DLGAP1: variants seen among roughly 807,000 people sequenced by gnomAD.
The protein encoded by DLGAP1 is disks large-associated protein 1.
DLGAP1 carries 11 observed loss-of-function variants against 90.8 expected under a neutral mutation model. The observed-to-expected ratio is 0.12, with a 90% CI of 0.08 to 0.20. DLGAP1 has a LOEUF of 0.20. Ranked by LOEUF, DLGAP1 falls within the 10% of genes least tolerant of loss-of-function variation. DLGAP1 has a pLI of 1.00. For synonymous variants in DLGAP1, 558 were observed against 540.7 expected (o/e 1.03, Z -0.44); for missense variants, 1,050 against 1,333.8 (o/e 0.79, Z 3.31).
At chr18:3,725,658 T>C (rs1350001495) in intron 7 of DLGAP1, among the ~76,000 whole-genome samples, 1 of 152,196 alleles carries the variant, frequency 6.6e-6, no homozygotes, top group Non-Finnish European at 1.5e-5. Context: ...GTCTATTGGA[T>C]GGAGAGAAAT....
intron 1 of DLGAP1, among the ~76,000 whole-genome samples, chr18:4,409,506 A>T (rs1009587756): frequency 6.6e-6 from 1 of 152,216 alleles, no homozygotes; most frequent in African/African-American, 2.4e-5. Context: ...TTCTGAAGAT[A>T]GTGAGGGATA....
intron 1 of DLGAP1, among the ~76,000 whole-genome samples, chr18:4,296,327 TACAC>T (rs906554519): frequency 6.6e-6 from 1 of 151,744 alleles, no homozygotes; most frequent in South Asian, 2.1e-4. Context: ...CAGAAACACA[TACAC>T]ACACACAAAT....
chr18:4,267,265 C>T (rs923858175), intron 1 of DLGAP1, among the ~76,000 whole-genome samples: 2 of 151,844 alleles, frequency 1.3e-5, no homozygotes, highest in African/African-American at 2.4e-5. Context: ...GTGATTAATG[C>T]TATGTCTTAC....
chr18:4,105,047 CTG>C (rs2075837116), intron 2 of DLGAP1, among the ~76,000 whole-genome samples: 1 of 152,124 alleles, frequency 6.6e-6, no homozygotes, highest in Non-Finnish European at 1.5e-5. Flanking sequence ...GGGCTAGGCA[CTG>C]TGCTGGCTGC....
rs201284734 is a variant in DLGAP1 at position 3,523,856 on chromosome 18, A to AAT, written c.2479+10337_2479+10338insAT. On this transcript the variant is annotated intron_variant, in intron 10 of 12. Transcript: ENST00000315677. ...GAGCAAGACTCTGTCTCAAAAAAAA[A>AAT]AAAAAGGAGGGCAAAGGTCCTTGAC... Among the ~76,000 whole-genome samples, 913 of 152,004 alleles carry AAT rather than the reference A, an allele frequency of 6.0e-3. 7 individuals are homozygous for AAT. The highest frequency in any genetic ancestry group is 9.5e-3 in the Non-Finnish European group (648 of 67,952).
At chr18:4,167,959 A>T (rs1304298727) in intron 1 of DLGAP1, among the ~76,000 whole-genome samples, 1 of 152,230 alleles carries the variant, frequency 6.6e-6, no homozygotes, top group Non-Finnish European at 1.5e-5. Context: ...AAATGGAAAG[A>T]CATATTGCAT....
intron 7 of DLGAP1, among the ~76,000 whole-genome samples, chr18:3,600,981 G>GATATAGAT (rs377416543): frequency 1.4e-5 from 1 of 71,166 alleles, no homozygotes; most frequent in African/African-American, 4.3e-5. Context: ...TAGATATATA[G>GATATAGAT]ATATAGATAT....
chr18:3,974,420 G>A (rs1306169014), intron 3 of DLGAP1, among the ~76,000 whole-genome samples: 1 of 152,134 alleles, frequency 6.6e-6, no homozygotes, highest in Admixed American at 6.5e-5. Flanking sequence ...TTAATTCAGG[G>A]CTTTTAAATA....
At chr18:4,120,436 C>T (rs1038466439) in intron 2 of DLGAP1, among the ~76,000 whole-genome samples, 1 of 152,174 alleles carries the variant, frequency 6.6e-6, no homozygotes, top group African/African-American at 2.4e-5. Flanking sequence ...TCACTCGTGG[C>T]TTTTCATAAC....
At position 3,729,155 on chromosome 18, in the gene DLGAP1, C is replaced by G; in HGVS notation, c.1571G>C (p.Arg524Thr). The G allele has an allele frequency of 6.2e-7, 1 of 1,612,802 alleles. No homozygotes were observed. Among genetic ancestry groups the G allele is most frequent in the Non-Finnish European group, 8.5e-7 (1 of 1,179,694 alleles). ...CTCACCCGTGCTGCTCTGGATGGTC[C>G]TAACGGTGGTGGTGGTGCGCGGCGG... The part of the protein sequence containing the change: ...SSPPRTTTTV[R>T]TIQSSTVSSC... The change falls in exon 7 of 13, where the codon AGG becomes ACG. Residue 524 changes from arginine (R) to threonine (T), a missense_variant. Physicochemically the swap from Arg to Thr is moderately conservative, Grantham distance 71. This residue lies in a region of DLGAP1 where 565 missense variants were observed against 879.7 expected (regional missense o/e 0.64). Coordinates refer to ENST00000315677, the MANE Select transcript of DLGAP1 (RefSeq NM_004746.4). The surrounding 1 kb of genome is among the most constrained non-coding windows in gnomAD (Gnocchi z 6.2).
intron 1 of DLGAP1, among the ~76,000 whole-genome samples, chr18:4,223,561 G>T (rs780600904): frequency 3.9e-5 from 6 of 152,084 alleles, no homozygotes; most frequent in Non-Finnish European, 5.9e-5. Flanking sequence ...AGAAAAGTGT[G>T]GTTAGTGAGG....
At chr18:4,348,599 G>C (rs2081347526) in intron 1 of DLGAP1, among the ~76,000 whole-genome samples, 1 of 152,062 alleles carries the variant, frequency 6.6e-6, no homozygotes, top group African/African-American at 2.4e-5. Context: ...CTAAGAAAAA[G>C]AGCCAAATAA....
intron 6 of DLGAP1, among the ~76,000 whole-genome samples, chr18:3,734,459 C>T (rs2062564112): frequency 6.7e-6 from 1 of 150,270 alleles, no homozygotes; most frequent in Non-Finnish European, 1.5e-5. Flanking sequence ...CTTTCTAGTT[C>T]CTTTTTTTTT....
At chr18:4,400,140 C>T (rs964084328) in intron 1 of DLGAP1, among the ~76,000 whole-genome samples, 6 of 152,194 alleles carry the variant, frequency 3.9e-5, no homozygotes, top group South Asian at 4.2e-4. Context: ...AACCACTACC[C>T]GGGACATCCA....
chr18:4,209,487 T>C (rs2077795723), intron 1 of DLGAP1, among the ~76,000 whole-genome samples: 2 of 152,226 alleles, frequency 1.3e-5, no homozygotes, highest in Non-Finnish European at 1.5e-5. Context: ...TTTCAACTTA[T>C]TGTTTGAGTC....
In DLGAP1 at chr18:4,388,438, G is replaced by C. The variant is rs144472020; in HGVS notation, c.-267+66568C>G. ...GACATTCCTTCACCTGGAGATACTAGAGCTAGGGGTCATTAGTGAAGAAAG... is the reference window on the plus strand; with the variant it reads ...GACATTCCTTCACCTGGAGATACTACAGCTAGGGGTCATTAGTGAAGAAAG... On this transcript the variant is annotated intron_variant, in intron 1 of 12. Transcript: ENST00000315677. Among the ~76,000 whole-genome samples, 222 of 152,236 alleles carry C rather than the reference G, an allele frequency of 1.5e-3. 1 individual carries two copies. Among genetic ancestry groups the C allele is most frequent in the Middle Eastern group, 6.8e-3 (2 of 294 alleles).
chr18:3,649,318 G>A (rs981270929), intron 7 of DLGAP1, among the ~76,000 whole-genome samples: 3 of 152,158 alleles, frequency 2.0e-5, no homozygotes, highest in East Asian at 3.9e-4. Context: ...CTTGCCCCTG[G>A]CAGATGCCAC....
rs143463694 is a variant in DLGAP1, at chr18:3,722,871, T to A, written c.1591+6264A>T. Among the ~76,000 whole-genome samples, 354 of 152,324 alleles carry A rather than the reference T, an allele frequency of 2.3e-3. 1 individual carries two copies. Among genetic ancestry groups the A allele is most frequent in the African/African-American group, 8.1e-3 (335 of 41,582 alleles). ...GGATCAGCATTGTAATCTCATTTTA[T>A]ACATGAAGAAACTGAAGTTCAGATT... is the stretch of plus-strand genomic sequence containing the variant. On this transcript the variant is annotated intron_variant, in intron 7 of 12. Coordinates refer to ENST00000315677, the MANE Select transcript of DLGAP1 (RefSeq NM_004746.4).
chr18:3,967,675 T>C (rs1443896308), intron 3 of DLGAP1, among the ~76,000 whole-genome samples: 4 of 152,244 alleles, frequency 2.6e-5, no homozygotes, highest in Non-Finnish European at 5.9e-5. Flanking sequence ...ATGGTAGTAT[T>C]GATCACTCTC....
Sources: allele counts gnomAD v4.1 joint callset (sites outside exome capture counted in the v4.1 genomes callset), GRCh38; gene constraint gnomAD v4.1.1; regional missense constraint gnomAD v4.1.1; non-coding constraint Gnocchi (gnomAD v3.1); transcripts MANE v1.5; gene names NCBI Gene and HGNC (gene_info 2026-07-23, HGNC 2026-07-21).